The following PCDH15 variants were observed in gnomAD, a reference collection of about 807,000 sequenced individuals.
PCDH15 encodes protocadherin-15.
In PCDH15, 129 loss-of-function variants were observed where a neutral mutation model predicts 178.5. That is an observed-to-expected ratio of 0.72 (90% CI 0.63 to 0.84). The LOEUF (loss-of-function observed/expected upper bound fraction) is 0.84. PCDH15 is among the 40% of genes least tolerant of loss of function. The probability of loss-of-function intolerance (pLI) is 0.00; values close to 1 mark genes in which losing one functional copy is unlikely to be tolerated. For missense variants in PCDH15, 2,230 were observed against 2,099.9 expected (o/e 1.06, Z -1.21); for synonymous variants, 800 against 732.0 (o/e 1.09, Z -1.50).
chr10:54,898,748 C>T (rs555946319), intron 2 of PCDH15, among the ~76,000 whole-genome samples: 13 of 152,140 alleles, frequency 8.5e-5, no homozygotes, highest in African/African-American at 2.6e-4. Context: ...GTACAAGAAA[C>T]ATTTTGAATC....
chr10:54,357,630 G>C lies in PCDH15; in HGVS notation c.475-11146C>G, dbSNP rs201890578. Among the ~76,000 whole-genome samples, 497 of 151,990 alleles carry C rather than the reference G, an allele frequency of 3.3e-3. 17 individuals are homozygous for C. In the East Asian group the frequency reaches 0.084, roughly 26 times the overall value. The stretch of plus-strand genomic sequence containing the variant: ...TTCAATGCCATCCCCATCAAGCTAT[G>C]AATGACTTTCTTCACAGAATTGGAA... On this transcript the variant is annotated intron_variant, in intron 5 of 37. Coordinates refer to ENST00000644397, the MANE Select transcript of PCDH15 (RefSeq NM_001384140.1).
At chr10:55,412,384 G>A (rs1006869931) in intron 2 of PCDH15, among the ~76,000 whole-genome samples, 1 of 151,952 alleles carries the variant, frequency 6.6e-6, no homozygotes, top group Non-Finnish European at 1.5e-5. Flanking sequence ...TAAGTTAACA[G>A]GCCTTAGAAA....
intron 1 of PCDH15, among the ~76,000 whole-genome samples, chr10:54,712,615 G>A (rs2095437819): frequency 6.6e-6 from 1 of 151,990 alleles, no homozygotes. Flanking sequence ...GCTGGAAAAA[G>A]TGTAGTTGGG....
chr10:53,946,710 A>T (rs1762921550), intron 23 of PCDH15, among the ~76,000 whole-genome samples: 1 of 152,242 alleles, frequency 6.6e-6, no homozygotes, highest in South Asian at 2.1e-4. Flanking sequence ...GAAAAAGTTA[A>T]CTGCTTTGGA....
At chr10:54,078,557 A>G in intron 17 of PCDH15, among the ~76,000 whole-genome samples, 1 of 152,096 alleles carries the variant, frequency 6.6e-6, no homozygotes, top group East Asian at 1.9e-4. Context: ...ATTTCTAGAC[A>G]ATAGCACTGA....
intron 1 of PCDH15, among the ~76,000 whole-genome samples, chr10:55,175,654 A>C: frequency 8.2e-6 from 1 of 121,880 alleles, no homozygotes; most frequent in African/African-American, 3.1e-5. Context: ...CAACAGAGAG[A>C]CTCTGTCTCA....
chr10:53,855,718 T>C (rs553755542), intron 28 of PCDH15, among the ~76,000 whole-genome samples: 6 of 151,542 alleles, frequency 4.0e-5, no homozygotes, highest in Non-Finnish European at 8.8e-5. Flanking sequence ...GTGACGATAA[T>C]TGACCTCTGT....
chr10:54,718,139 A>G (rs1480940814), intron 1 of PCDH15, among the ~76,000 whole-genome samples: 1 of 149,364 alleles, frequency 6.7e-6, no homozygotes, highest in East Asian at 1.9e-4. Context: ...GAGGGATAGC[A>G]TTGGGAGATA....
intron 2 of PCDH15, among the ~76,000 whole-genome samples, chr10:54,960,815 T>C (rs2131883776): frequency 6.6e-6 from 1 of 152,332 alleles, no homozygotes; most frequent in African/African-American, 2.4e-5. Context: ...CCAATTTTCC[T>C]AGGCATGTAC....
intron 2 of PCDH15, among the ~76,000 whole-genome samples, chr10:55,371,565 A>G (rs1289806668): frequency 6.6e-6 from 1 of 152,052 alleles, no homozygotes; most frequent in Non-Finnish European, 1.5e-5. Context: ...TGAGTGCTCA[A>G]AAGATCTGGT....
intron 2 of PCDH15, among the ~76,000 whole-genome samples, chr10:55,098,895 T>TGAGAGAGAGAGAGAGAGAGAGAGA (rs10535301): frequency 0.01 from 1,240 of 120,130 alleles, 32 homozygotes; most frequent in Non-Finnish European, 0.013. Flanking sequence ...AAAACTTCAA[T>TGAGAGAGAGAGAGAGAGAGAGAGA]GAGAGAGAGA....
chr10:54,839,652 A>T (rs1004599245), intron 3 of PCDH15, among the ~76,000 whole-genome samples: 2 of 152,128 alleles, frequency 1.3e-5, no homozygotes, highest in East Asian at 3.9e-4. Flanking sequence ...ATTAAGATTC[A>T]TTAAGCTCAA....
At chr10:54,045,177 A>G (rs1590091154) in intron 18 of PCDH15, among the ~76,000 whole-genome samples, 1 of 151,198 alleles carries the variant, frequency 6.6e-6, no homozygotes, top group Admixed American at 6.6e-5. Flanking sequence ...GGAAATGACA[A>G]ATCAAGGGTT....
At chr10:54,818,103 T>C (rs1952977310) in intron 3 of PCDH15, among the ~76,000 whole-genome samples, 1 of 151,094 alleles carries the variant, frequency 6.6e-6, no homozygotes, top group Non-Finnish European at 1.5e-5. Context: ...CTCTCCTCTG[T>C]CTATCTATCC....
chr10:54,171,805 C>T (rs971005872), intron 13 of PCDH15, among the ~76,000 whole-genome samples: 3 of 151,468 alleles, frequency 2.0e-5, no homozygotes, highest in South Asian at 2.1e-4. Flanking sequence ...AAACCGTATC[C>T]AGGCCATCAC....
At chr10:55,211,022 C>T (rs1840557279) in intron 1 of PCDH15, among the ~76,000 whole-genome samples, 1 of 151,956 alleles carries the variant, frequency 6.6e-6, no homozygotes, top group Non-Finnish European at 1.5e-5. Context: ...CTAATCAGAA[C>T]ATATTGATGT....
intron 2 of PCDH15, among the ~76,000 whole-genome samples, chr10:55,009,064 A>G (rs1374812754): frequency 1.3e-5 from 2 of 152,034 alleles, no homozygotes; most frequent in Non-Finnish European, 2.9e-5. Flanking sequence ...GTAAATTAAT[A>G]TGTACACAAA....
intron 3 of PCDH15, among the ~76,000 whole-genome samples, chr10:54,819,423 T>C (rs755986852): frequency 3.9e-5 from 6 of 152,028 alleles, no homozygotes; most frequent in Non-Finnish European, 8.8e-5. Flanking sequence ...TGACTTTCAT[T>C]TTACATTATT....
At chr10:54,103,071 C>T (rs2094841615) in intron 15 of PCDH15, among the ~76,000 whole-genome samples, 1 of 152,170 alleles carries the variant, frequency 6.6e-6, no homozygotes, top group Admixed American at 6.5e-5. Context: ...TGGGATTCTT[C>T]CTCAAGGGGA....
Sources: gnomAD v4.1 joint callset for allele counts (sites outside exome capture counted in the v4.1 genomes callset) on GRCh38, gnomAD v4.1.1 for gene constraint, MANE v1.5 for transcripts, NCBI Gene and HGNC (gene_info 2026-07-23, HGNC 2026-07-21) for gene names.